The following CHD5 variants were observed in gnomAD, a reference collection of about 807,000 sequenced individuals.
CHD5 encodes the protein ATP-dependent chromatin remodeler CHD5.
Under a neutral mutation model 230.3 loss-of-function variants are expected in CHD5, and 69 were observed. That is an observed-to-expected ratio of 0.30 (90% confidence interval 0.25 to 0.37). The LOEUF (loss-of-function observed/expected upper bound fraction) is 0.37. Among genes scored for constraint, CHD5 ranks in the 10% least tolerant of loss-of-function variants. The pLI, the probability that CHD5 is intolerant of heterozygous loss-of-function variation, is 1.00. For missense variants in CHD5, 1,827 were observed against 2,622.8 expected, an observed-to-expected ratio of 0.70 and a Z score of 6.63; for synonymous variants, 1,064 against 1,065.9, an observed-to-expected ratio of 1.00 and a Z score of 0.03.
At position 6,126,672 on chromosome 1, in the gene CHD5, G is replaced by A. The variant is rs1666563353; in HGVS notation, c.3978C>T (p.His1326=). The A allele has an allele frequency of 8.7e-6, 14 of 1,614,020 alleles. No individual in the cohort carries two copies. In the East Asian group the frequency reaches 3.1e-4, roughly 36 times the overall value. ...GGTCCTCCTGCTGCTGCTCATAGTG[G>A]TGCCGCAGCAGCTTCTCCCAGTAGT... ...DPDYWEKLLR[H]HYEQQQEDLA... Residue 1326 remains histidine (H), a synonymous_variant, in exon 26 of 42, where the codon CAC becomes CAT. Coordinates refer to ENST00000262450, the MANE Select transcript of CHD5 (RefSeq NM_015557.3). The surrounding 1 kb of genome is among the most constrained non-coding windows in gnomAD (Gnocchi z 5.7).
In CHD5 at chr1:6,129,730, C is replaced by G. The variant is rs1048644557; in HGVS notation, c.3387+474G>C. Among the ~76,000 whole-genome samples, 14 of 152,190 alleles carry G rather than the reference C, an allele frequency of 9.2e-5. No individual in the cohort carries two copies. The highest frequency in any genetic ancestry group is 2.6e-4 in the African/African-American group (11 of 41,514). ...ACTAGGGTGGCTCTATTCCCATACC[C>G]CTCCCCCCACAGCCCTTCCATCCTT... On this transcript the variant is annotated intron_variant, in intron 22 of 41. Coordinates refer to ENST00000262450, the MANE Select transcript of CHD5 (RefSeq NM_015557.3). The surrounding 1 kb of genome is among the most constrained non-coding windows in gnomAD (Gnocchi z 6.8).
intron 40 of CHD5, 23 bp from the exon 41 acceptor site, chr1:6,106,310 G>A (rs377243493): frequency 1.3e-4 from 204 of 1,612,644 alleles, no homozygotes; most frequent in Admixed American, 2.0e-4. Flanking sequence ...GAGGAGAGCC[G>A]GGCTTGCCTG....
chr1:6,161,190 G>C (rs1036305565), intron 2 of CHD5, among the ~76,000 whole-genome samples: 1 of 152,006 alleles, frequency 6.6e-6, no homozygotes, highest in Non-Finnish European at 1.5e-5. Context: ...AAAGGCGGGG[G>C]GCCTCCCTGG....
intron 1 of CHD5, among the ~76,000 whole-genome samples, chr1:6,168,634 A>G (rs1667290266): frequency 1.3e-5 from 2 of 152,212 alleles, no homozygotes; most frequent in South Asian, 4.1e-4. Context: ...ACCAGGAAGG[A>G]GTTGGGGCTG....
rs1029259650 is a variant in CHD5, at chr1:6,126,454, C to G, written c.4078+118G>C. On this transcript the variant is annotated intron_variant, in intron 26 of 41. Coordinates refer to ENST00000262450, the MANE Select transcript of CHD5 (RefSeq NM_015557.3). This position sits in a 1 kb window ranked among gnomAD's most constrained non-coding sequence, Gnocchi z 5.7. Reference sequence around the variant, plus strand: ...GGACACCCATCCCTCCTGGCACACTCGCCCAGCTCTCCCGGCCCGCACCTC... The same window carrying G: ...GGACACCCATCCCTCCTGGCACACTGGCCCAGCTCTCCCGGCCCGCACCTC... 1 of 660,326 alleles carries G rather than the reference C, an allele frequency of 1.5e-6. No individual in the cohort carries two copies. The highest frequency in any genetic ancestry group is 2.7e-6 in the Non-Finnish European group (1 of 368,540). 40.9% of individuals were successfully genotyped at this position (660,326 alleles called of 1,614,324 possible).
In CHD5 at chr1:6,102,031, G is replaced by A. The variant is rs1666067716; in HGVS notation, c.*3443C>T. On this transcript the variant is annotated 3_prime_UTR_variant, in exon 42 of 42. Transcript: ENST00000262450. ...CAGGGCCCTCCCTTTGCCAGCCTGG[G>A]GCTGTGCCTGGGGAAAGGGGTCGGC... The A allele has an allele frequency of 2.5e-6, 1 of 392,678 alleles. No individual in the cohort carries two copies. The highest frequency in any genetic ancestry group is 5.1e-6 in the Non-Finnish European group (1 of 196,326). The allele number at this position is 392,678 out of a possible 1,614,324, so 24.3% of individuals were successfully genotyped here. A position where few individuals can be genotyped will look rare whatever the true frequency, so the allele number is the denominator to read the frequency against.
intron 6 of CHD5, among the ~76,000 whole-genome samples, chr1:6,151,797 G>A (rs1013918613): frequency 1.3e-5 from 2 of 151,514 alleles, no homozygotes; most frequent in African/African-American, 4.9e-5. Context: ...TCCACCCACC[G>A]CAGGGCTGGG....
At chr1:6,157,072 C>T (rs561494781) in intron 3 of CHD5, among the ~76,000 whole-genome samples, 19 of 152,302 alleles carry the variant, frequency 1.2e-4, no homozygotes, top group Non-Finnish European at 2.4e-4. Context: ...TGTCAAAATG[C>T]GTTAGCAATT....
At chr1:6,170,231 C>G (rs1667315588) in intron 1 of CHD5, among the ~76,000 whole-genome samples, 1 of 152,154 alleles carries the variant, frequency 6.6e-6, no homozygotes. Flanking sequence ...ACACTCGCCA[C>G]ATGCAGACGC....
At chr1:6,112,593 T>A (rs1458598032) in intron 34 of CHD5, among the ~76,000 whole-genome samples, 1 of 152,228 alleles carries the variant, frequency 6.6e-6, no homozygotes, top group East Asian at 1.9e-4. Context: ...TGAGGACAAC[T>A]GTTCCAGAAC....
chr1:6,149,264 C>T lies in CHD5; in HGVS notation c.1143G>A (p.Lys381=). The change falls in exon 8 of 42, where the codon AAG becomes AAA. Residue 381 remains lysine, a synonymous_variant. Transcript: ENST00000262450. The part of the protein sequence containing the change: ...DPELEKAPEG[K]WSCPHCEKEG... The stretch of plus-strand genomic sequence containing the variant: ...GGCTTACACAGTGGGGGCAGCTCCA[C>T]TTGCCCTCGGGAGCCTTCTCCAGCT... 6.2e-7 allele frequency: 1 copy of T among 1,608,776 alleles called. No individual in the cohort carries two copies. The highest frequency in any genetic ancestry group is 8.5e-7 in the Non-Finnish European group (1 of 1,177,164).
chr1:6,159,513 C>A lies in CHD5; in HGVS notation c.210G>T (p.Gly70=). ...CATTCTCTGATAGCTCATCATTGCT[C>A]CCCTGGAAAAGAAGGGGGACAGTGA... ...KCKGKRKKKE[G]SNDELSENEE... Residue 70 remains glycine (G), a splice_region_variant and synonymous_variant, in exon 3 of 42, where the codon GGG becomes GGT. Transcript: ENST00000262450. The A allele has an allele frequency of 6.3e-7, 1 of 1,596,274 alleles. No homozygotes were observed.
chr1:6,173,040 C>G (rs953730673), intron 1 of CHD5, among the ~76,000 whole-genome samples: 1 of 151,888 alleles, frequency 6.6e-6, no homozygotes, highest in Admixed American at 6.6e-5. Context: ...GGCCGGCAAA[C>G]CTGCCAAGGA....
chr1:6,128,674 G>T lies in CHD5; in HGVS notation c.3620-65C>A. The T allele has an allele frequency of 7.1e-7, 1 of 1,408,480 alleles. No homozygotes were observed. The highest frequency in any genetic ancestry group is 1.2e-5 in the South Asian group (1 of 85,902). The allele number at this position is 1,408,480 out of a possible 1,614,324, so 87.2% of individuals were successfully genotyped here. On this transcript the variant is annotated intron_variant, in intron 23 of 41. Transcript: ENST00000262450. The surrounding 1 kb of genome is among the most constrained non-coding windows in gnomAD (Gnocchi z 7.8). ...GAGGGCTGCAGGGTTGGCGGGCAGTGCCCAGAGACACCACCCTGGGCTGTC... is the reference window on the plus strand; with the variant it reads ...GAGGGCTGCAGGGTTGGCGGGCAGTTCCCAGAGACACCACCCTGGGCTGTC...
intron 1 of CHD5, among the ~76,000 whole-genome samples, chr1:6,168,891 C>T (rs1362329393): frequency 2.0e-5 from 3 of 151,988 alleles, no homozygotes; most frequent in South Asian, 2.1e-4. Context: ...TGGTGGTGGG[C>T]GCCTGTAATT....
At position 6,180,004 on chromosome 1, in the gene CHD5, G is replaced by A; in HGVS notation, c.20C>T (p.Thr7Ile). Residue 7 changes from threonine to isoleucine, a missense_variant, in exon 1 of 42, where the codon ACC becomes ATC. By Grantham distance (89) the Thr-to-Ile change is moderately conservative. Transcript: ENST00000262450. Reference sequence around the variant, plus strand: ...GAACAGCCGCGGCAGCTCCTCCTCGGTGCCCACTGGGCCCCGCATGCCCGG... The same window carrying A: ...GAACAGCCGCGGCAGCTCCTCCTCGATGCCCACTGGGCCCCGCATGCCCGG... The part of the protein sequence containing the change: MRGPVG[T>I]EEELPRLFAE... The A allele has an allele frequency of 7.2e-7, 1 of 1,382,722 alleles. No individual in the cohort carries two copies. The highest frequency in any genetic ancestry group is 3.6e-5 in the East Asian group (1 of 27,886). 85.7% of individuals were successfully genotyped at this position (1,382,722 alleles called of 1,614,324 possible). A position where few individuals can be genotyped will look rare whatever the true frequency, so the allele number is the denominator to read the frequency against.
At position 6,146,295 on chromosome 1, in the gene CHD5, G is replaced by A. The variant is rs756370204; in HGVS notation, c.1719C>T (p.Pro573=). The A allele has an allele frequency of 1.9e-6, 3 of 1,614,176 alleles. No individual in the cohort carries two copies. Among genetic ancestry groups the A allele is most frequent in the African/African-American group, 1.3e-5 (1 of 75,060 alleles). ...AGCGCTCCTCCATCTTGGCATAGAG[G>A]GGGTCCTTGTTCTTCCTCTTCTCGC... The part of the protein sequence containing the change: ...GKSEKRKNKD[P]LYAKMEERFY... The change falls in exon 11 of 42, where the codon CCC becomes CCT. Residue 573 remains proline (P), a synonymous_variant. Coordinates refer to ENST00000262450, the MANE Select transcript of CHD5 (RefSeq NM_015557.3). This position sits in a 1 kb window ranked among gnomAD's most constrained non-coding sequence, Gnocchi z 5.1.
At chr1:6,175,092 CATGGATGGATG>C (rs1234934541) in intron 1 of CHD5, among the ~76,000 whole-genome samples, 5 of 121,264 alleles carry the variant, frequency 4.1e-5, no homozygotes, top group Admixed American at 3.2e-4. Context: ...TGGATGGATG[CATGGATGGATG>C]GTGGATTGAT....
chr1:6,161,102 G>A (rs1667170352), intron 2 of CHD5, among the ~76,000 whole-genome samples: 1 of 152,180 alleles, frequency 6.6e-6, no homozygotes, highest in African/African-American at 2.4e-5. Flanking sequence ...CAGTGGCCAG[G>A]AGGGAGGATG....
Sources: allele counts gnomAD v4.1 joint callset (sites outside exome capture counted in the v4.1 genomes callset), GRCh38; gene constraint gnomAD v4.1.1; non-coding constraint Gnocchi (gnomAD v3.1); transcripts MANE v1.5; gene names NCBI Gene and HGNC (gene_info 2026-07-23, HGNC 2026-07-21).